Variants in B4GALT6 observed in about 807,000 individuals in gnomAD.
B4GALT6 encodes UDP-Gal:beta-GlcNAc beta-1,4-galactosyltransferase 6.
In B4GALT6, 14 loss-of-function variants were observed where a neutral mutation model predicts 46.3. The observed-to-expected ratio is 0.30, with a 90% CI of 0.20 to 0.47. The LOEUF is 0.47. Among genes scored for constraint, B4GALT6 ranks in the 20% least tolerant of loss-of-function variants. The pLI is 0.99. For synonymous variants in B4GALT6, 168 were observed against 162.0 expected (o/e 1.04, Z -0.28); for missense variants, 386 against 480.1 (o/e 0.80, Z 1.83).
intron 2 of B4GALT6, among the ~76,000 whole-genome samples, chr18:31,660,017 A>T (rs2074193357): frequency 7.2e-6 from 1 of 139,060 alleles, no homozygotes; most frequent in Non-Finnish European, 1.5e-5. Flanking sequence ...CAGTGGCATG[A>T]TAATAGCTCA....
intron 1 of B4GALT6, among the ~76,000 whole-genome samples, chr18:31,674,453 A>G (rs566739010): frequency 6.6e-6 from 1 of 152,248 alleles, no homozygotes; most frequent in Non-Finnish European, 1.5e-5. Flanking sequence ...CTTAAAAGTT[A>G]CAGAAGAGAA....
At chr18:31,670,478 A>G (rs940879248) in intron 1 of B4GALT6, among the ~76,000 whole-genome samples, 15 of 152,242 alleles carry the variant, frequency 9.9e-5, no homozygotes, top group African/African-American at 3.6e-4. Flanking sequence ...CCAAATAGAA[A>G]ATCTATTCCT....
chr18:31,684,192 A>C, intron 1 of B4GALT6, 120 bp downstream of exon 1: 1 of 1,487,180 alleles, frequency 6.7e-7, no homozygotes, highest in Non-Finnish European at 9.0e-7. Flanking sequence ...CATTTAAAAC[A>C]AAACGCTTTT....
the B4GALT6 span, among the ~76,000 whole-genome samples, chr18:31,696,292 C>T: frequency 3.3e-5 from 5 of 151,978 alleles, no homozygotes; most frequent in South Asian, 2.1e-4. Flanking sequence ...CCATCATACG[C>T]GTATTTGGCA....
chr18:31,662,793 A>G (rs2074234651), intron 2 of B4GALT6, among the ~76,000 whole-genome samples: 1 of 152,164 alleles, frequency 6.6e-6, no homozygotes, highest in Non-Finnish European at 1.5e-5. Context: ...GTGAGCTGAG[A>G]TCATACCACT....
the B4GALT6 span, among the ~76,000 whole-genome samples, chr18:31,723,746 A>G: frequency 6.6e-6 from 1 of 152,128 alleles, no homozygotes; most frequent in South Asian, 2.1e-4. Flanking sequence ...GGAATAAATG[A>G]CCGTAATGTG....
At chr18:31,674,816 C>CA (rs1164861026) in intron 1 of B4GALT6, among the ~76,000 whole-genome samples, 1 of 150,486 alleles carries the variant, frequency 6.6e-6, no homozygotes, top group Admixed American at 6.6e-5. Context: ...GGATTAAAAA[C>CA]AAAAAATAAC....
rs199629405 is a variant in B4GALT6, at chr18:31,638,755, T to C, written c.477A>G (p.Ala159=). ...GGCGATTACGGAAAGGAATGAGAAC[T>C]GCCACCTTTAAAACAAAATAGTCAT... ...PKDCKPRWKV[A]VLIPFRNRHE... Residue 159 remains alanine (A), a synonymous_variant, in exon 5 of 9, where the codon GCA becomes GCG. Transcript: ENST00000306851. 123 of 1,610,360 alleles carry C rather than the reference T, an allele frequency of 7.6e-5. No individual in the cohort carries two copies. Among genetic ancestry groups the C allele is most frequent in the Middle Eastern group, 3.3e-4 (2 of 6,078 alleles).
At chr18:31,681,959 T>A (rs1197890089) in intron 1 of B4GALT6, among the ~76,000 whole-genome samples, 1 of 152,208 alleles carries the variant, frequency 6.6e-6, no homozygotes, top group African/African-American at 2.4e-5. Context: ...AAAATCCACA[T>A]ACATCGAATA....
At chr18:31,710,724 T>C in the B4GALT6 span, among the ~76,000 whole-genome samples, 1 of 151,810 alleles carries the variant, frequency 6.6e-6, no homozygotes, top group East Asian at 1.9e-4. Flanking sequence ...CAGTTTGTGG[T>C]AATTTGCCCT....
chr18:31,693,004 G>C, the B4GALT6 span, among the ~76,000 whole-genome samples: 1 of 152,160 alleles, frequency 6.6e-6, no homozygotes, highest in Admixed American at 6.5e-5. Context: ...TGTTTAGAAT[G>C]TCCTTCAAAA....
intron 3 of B4GALT6, among the ~76,000 whole-genome samples, chr18:31,657,579 A>G (rs1365494971): frequency 2.0e-5 from 3 of 152,250 alleles, no homozygotes; most frequent in Non-Finnish European, 2.9e-5. Flanking sequence ...ATGGGGAGCC[A>G]GCACTGGGGA....
intron 1 of B4GALT6, among the ~76,000 whole-genome samples, chr18:31,673,925 GACACACACACACAGACAC>G (rs2074386712): frequency 6.6e-6 from 1 of 151,592 alleles, no homozygotes; most frequent in Admixed American, 6.6e-5. Flanking sequence ...CACTCTCACA[GACACACACACACAGACAC>G]ACACACACAC....
chr18:31,625,672 A>C lies in B4GALT6; in HGVS notation c.1091T>G (p.Leu364Trp). The C allele has an allele frequency of 6.2e-7, 1 of 1,613,690 alleles. No homozygotes were observed. Among genetic ancestry groups the C allele is most frequent in the Non-Finnish European group, 8.5e-7 (1 of 1,179,806 alleles). ...GAGGTTTACAGATATGTTTGTATAC[A>C]ACCTATCAACCAGTATTTTTGGCCT... ...IYRPKILVDR[L>W]YTNISVNLMP... Residue 364 changes from leucine (L) to tryptophan (W), a missense_variant, in exon 9 of 9, where the codon TTG becomes TGG. Physicochemically the swap from Leu to Trp is moderately conservative, Grantham distance 61 (BLOSUM62 -2). Coordinates refer to ENST00000306851, the MANE Select transcript of B4GALT6 (RefSeq NM_004775.5).
In B4GALT6 at chr18:31,626,357, G is replaced by A. The variant is rs548668049; in HGVS notation, c.927C>T (p.Thr309=). The A allele has an allele frequency of 6.2e-7, 1 of 1,603,322 alleles. No homozygotes were observed. The highest frequency in any genetic ancestry group is 8.5e-7 in the Non-Finnish European group (1 of 1,172,106). The part of the protein sequence containing the change: ...NRVHYAGYNV[T]RPEGDLGKYK... ...ATTTTCCTAAGTCTCCCTCTGGTCT[G>A]GTTACATTATATCCAGCATAGTGAA... Residue 309 remains threonine, a synonymous_variant, in exon 8 of 9, where the codon ACC becomes ACT. Coordinates refer to ENST00000306851, the MANE Select transcript of B4GALT6 (RefSeq NM_004775.5).
At chr18:31,687,479 C>T (rs1444936985), upstream of B4GALT6, among the ~76,000 whole-genome samples, 1 of 152,154 alleles carries the variant, frequency 6.6e-6, no homozygotes, top group Non-Finnish European at 1.5e-5. Context: ...ATACTCAGTG[C>T]ACAGGAAATG....
intron 4 of B4GALT6, among the ~76,000 whole-genome samples, chr18:31,643,135 T>C (rs2073950771): frequency 6.6e-6 from 1 of 152,128 alleles, no homozygotes; most frequent in South Asian, 2.1e-4. Flanking sequence ...TAACTAAATA[T>C]TTAGTGAGAT....
At chr18:31,650,957 G>A (rs542769298) in intron 3 of B4GALT6, among the ~76,000 whole-genome samples, 98 of 152,160 alleles carry the variant, frequency 6.4e-4, no homozygotes, top group African/African-American at 2.0e-3. Flanking sequence ...TAGTAGAGAC[G>A]GGGTTTCACC....
At chr18:31,653,974 T>C (rs981178752) in intron 3 of B4GALT6, among the ~76,000 whole-genome samples, 1 of 152,242 alleles carries the variant, frequency 6.6e-6, no homozygotes, top group Admixed American at 6.5e-5. Context: ...TTAGCATTAT[T>C]TGAGCTTTGC....
Sources: allele counts gnomAD v4.1 joint callset (sites outside exome capture counted in the v4.1 genomes callset), GRCh38; gene constraint gnomAD v4.1.1; transcripts MANE v1.5; gene names NCBI Gene and HGNC (gene_info 2026-07-23, HGNC 2026-07-21).